Variants in TMEM229A observed in about 807,000 individuals in gnomAD.
TMEM229A encodes the protein transmembrane protein 229A.
TMEM229A carries 23 observed loss-of-function variants against 30.0 expected under a neutral mutation model. The ratio of observed to expected loss-of-function variants is 0.77; its 90% CI spans 0.55 to 1.09. The LOEUF (loss-of-function observed/expected upper bound fraction) is 1.09. TMEM229A is among the 50% of genes least tolerant of loss of function. The pLI, the probability that TMEM229A is intolerant of heterozygous loss-of-function variation, is 0.00. For missense variants in TMEM229A, 534 were observed against 525.9 expected, an observed-to-expected ratio of 1.02 and a Z score of -0.15; for synonymous variants, 264 against 241.5, an observed-to-expected ratio of 1.09 and a Z score of -0.86.
Position 124,031,777 on chromosome 7 carries a change from C to A in TMEM229A, c.*84G>T. 1 of 1,377,570 alleles carries A rather than the reference C, an allele frequency of 7.3e-7. No individual in the cohort carries two copies. 85.3% of individuals were successfully genotyped at this position (1,377,570 alleles called of 1,614,324 possible). On this transcript the variant is annotated 3_prime_UTR_variant, in exon 1 of 1. Transcript: ENST00000455783. The surrounding 1 kb of genome is among the most constrained non-coding windows in gnomAD (Gnocchi z 4.1). ...AAAAATTAAAGGACTAAAAAACCCA[C>A]TTCATTTTAAATGTGTAAAAATAAA...
chr7:124,031,908 G>A lies in TMEM229A; in HGVS notation c.1096C>T (p.Leu366=). ...ACCCTCCACAACACGTTGGAAATTA[G>A]GTCCTGGTACACACTAAGGAATATC... ...GWIFLSVYQD[L]ISNVLWRVQY... The change falls in exon 1 of 1, where the codon CTA becomes TTA. Residue 366 remains leucine, a synonymous_variant. Coordinates refer to ENST00000455783, the MANE Select transcript of TMEM229A (RefSeq NM_001136002.2). The surrounding 1 kb of genome is among the most constrained non-coding windows in gnomAD (Gnocchi z 4.1). 1.3e-6 allele frequency: 2 copies of A among 1,551,544 alleles called. No homozygotes were observed. Among genetic ancestry groups the A allele is most frequent in the Middle Eastern group, 1.7e-4 (1 of 5,988 alleles).
In TMEM229A at chr7:124,032,987, A is replaced by C; in HGVS notation, c.17T>G (p.Val6Gly). Residue 6 changes from valine to glycine, a missense_variant, in exon 1 of 1, where the codon GTG becomes GGG. Coordinates refer to ENST00000455783, the MANE Select transcript of TMEM229A (RefSeq NM_001136002.2). This position sits in a 1 kb window ranked among gnomAD's most constrained non-coding sequence, Gnocchi z 6.6. ...CCTCCGTGCGGGGCCCTCGCTGTCC[A>C]CGTCGCTCCCCGCCATGGGCTCGGA... MAGSD[V>G]DSEGPARRGG... The C allele has an allele frequency of 7.8e-7, 1 of 1,280,314 alleles. No individual in the cohort carries two copies. Among genetic ancestry groups the C allele is most frequent in the South Asian group, 2.7e-5 (1 of 36,828 alleles). 79.3% of individuals were successfully genotyped at this position (1,280,314 alleles called of 1,614,324 possible).
chr7:124,033,022 A>T lies in TMEM229A; in HGVS notation c.-19T>A. On this transcript the variant is annotated 5_prime_UTR_variant, in exon 1 of 1. Coordinates refer to ENST00000455783, the MANE Select transcript of TMEM229A (RefSeq NM_001136002.2). ...CCGCCATGGGCTCGGAGGCTGTCCG[A>T]ACGCCCGAGGCTGCACCGCCGCCGC... 1 of 1,242,952 alleles carries T rather than the reference A, an allele frequency of 8.0e-7. No homozygotes were observed. The highest frequency in any genetic ancestry group is 1.0e-6 in the Non-Finnish European group (1 of 996,834). The allele number at this position is 1,242,952 out of a possible 1,614,324, so 77.0% of individuals were successfully genotyped here. A position where few individuals can be genotyped will look rare whatever the true frequency, so the allele number is the denominator to read the frequency against.
Position 124,032,803 on chromosome 7 carries a change from C to A in TMEM229A, c.201G>T (p.Leu67=), listed in dbSNP as rs1357434133. 52 of 1,550,684 alleles carry A rather than the reference C, an allele frequency of 3.4e-5. No individual in the cohort carries two copies. The highest frequency in any genetic ancestry group is 4.2e-5 in the Non-Finnish European group (48 of 1,146,724). Reference sequence around the variant, plus strand: ...GCCGGGCCGAGGACACCAGCACGTCCAGGGTGATCCCGTGCATCCCGTAGA... The same window carrying A: ...GCCGGGCCGAGGACACCAGCACGTCAAGGGTGATCCCGTGCATCCCGTAGA... ...LYFYGMHGIT[L]DVLVSSARRF... is the part of the protein sequence containing the mutation. Residue 67 remains leucine (L), a synonymous_variant, in exon 1 of 1, where the codon CTG becomes CTT. Coordinates refer to ENST00000455783, the MANE Select transcript of TMEM229A (RefSeq NM_001136002.2). The surrounding 1 kb of genome is among the most constrained non-coding windows in gnomAD (Gnocchi z 6.6).
rs1165746352 is a variant in TMEM229A, at chr7:124,032,533, C to T, written c.471G>A (p.Leu157=). The change falls in exon 1 of 1, where the codon CTG becomes CTA. Residue 157 remains leucine (L), a synonymous_variant. Transcript: ENST00000455783. The surrounding 1 kb of genome is among the most constrained non-coding windows in gnomAD (Gnocchi z 6.6). ...GAGVAVAPGA[L]DLALQYVLAL... ...CCAGCACGTACTGCAGCGCCAGGTC[C>T]AGCGCCCCTGGCGCCACCGCGACCC... 6.5e-7 allele frequency: 1 copy of T among 1,549,564 alleles called. No homozygotes were observed. Among genetic ancestry groups the T allele is most frequent in the Non-Finnish European group, 8.7e-7 (1 of 1,146,136 alleles).
chr7:124,031,010 C>T lies in TMEM229A; in HGVS notation c.*851G>A, dbSNP rs1289367411. The T allele has an allele frequency of 6.6e-6, 1 of 152,200 alleles. No individual in the cohort carries two copies. 9.4% of individuals were successfully genotyped at this position (152,200 alleles called of 1,614,324 possible). On this transcript the variant is annotated 3_prime_UTR_variant, in exon 1 of 1. Coordinates refer to ENST00000455783, the MANE Select transcript of TMEM229A (RefSeq NM_001136002.2). This position sits in a 1 kb window ranked among gnomAD's most constrained non-coding sequence, Gnocchi z 4.1. ...GAAAAGGGTCCTTGGAGTTAGAACA[C>T]TGTGGAAGGTGATATAATTTCACTT...
rs974887248 is a variant in TMEM229A at position 124,032,823 on chromosome 7, C to A, written c.181G>T (p.Gly61Trp). ...LPAWMRLYFY[G>W]MHGITLDVLV... ...ACGTCCAGGGTGATCCCGTGCATCC[C>A]GTAGAAGTAGAGGCGCATCCAGGCG... The change falls in exon 1 of 1, where the codon GGG becomes TGG. Residue 61 changes from glycine to tryptophan, a missense_variant. Transcript: ENST00000455783. This position sits in a 1 kb window ranked among gnomAD's most constrained non-coding sequence, Gnocchi z 6.6. 4 of 1,549,358 alleles carry A rather than the reference C, an allele frequency of 2.6e-6. No homozygotes were observed. The highest frequency in any genetic ancestry group is 1.7e-6 in the Non-Finnish European group (2 of 1,146,158).
In TMEM229A at chr7:124,031,968, T is replaced by C. The variant is rs1329553490; in HGVS notation, c.1036A>G (p.Met346Val). 6.4e-7 allele frequency: 1 copy of C among 1,551,518 alleles called. No individual in the cohort carries two copies. Among genetic ancestry groups the C allele is most frequent in the East Asian group, 2.4e-5 (1 of 40,878 alleles). Residue 346 changes from methionine (M) to valine (V), a missense_variant, in exon 1 of 1, where the codon ATG becomes GTG. Physicochemically the swap from Met to Val is conservative, Grantham distance 21. Transcript: ENST00000455783. This position sits in a 1 kb window ranked among gnomAD's most constrained non-coding sequence, Gnocchi z 4.1. ...AAATACATCAGGGTGATGAGGCCCA[T>C]AAAATTGAGCGGGTAGTGAGAATAG... Reference protein sequence around the residue: ...WDYSHYPLNFMGLITLMYLPG... With the variant: ...WDYSHYPLNFVGLITLMYLPG...
rs979989279 is a variant in TMEM229A, at chr7:124,032,167, C to A, written c.837G>T (p.Trp279Cys). The change falls in exon 1 of 1, where the codon TGG becomes TGT. Residue 279 changes from tryptophan to cysteine, a missense_variant. Transcript: ENST00000455783. The surrounding 1 kb of genome is among the most constrained non-coding windows in gnomAD (Gnocchi z 6.6). ...DGTTSGHTSL[W>C]SFFMYGSCSF... The stretch of plus-strand genomic sequence containing the variant: ...TGCAGCTGCCGTACATAAAGAAGGA[C>A]CAGAGCGACGTGTGGCCGCTGGTTG... 6.4e-7 allele frequency: 1 copy of A among 1,551,828 alleles called. No individual in the cohort carries two copies. The highest frequency in any genetic ancestry group is 8.7e-7 in the Non-Finnish European group (1 of 1,147,028).
Position 124,032,715 on chromosome 7 carries a change from G to A in TMEM229A, c.289C>T (p.His97Tyr). ...GFSSPYRCLL[H>Y]SLTHFALEKV... ...TCCAGGGCGAAATGGGTGAGCGAGT[G>A]CAGCAGGCAGCGGTAGGGCGAGGAG... The change falls in exon 1 of 1, where the codon CAC (histidine) becomes TAC (tyrosine). Residue 97 changes from histidine to tyrosine, a missense_variant. Physicochemically the swap from His to Tyr is moderately conservative, Grantham distance 83. Transcript: ENST00000455783. The surrounding 1 kb of genome is among the most constrained non-coding windows in gnomAD (Gnocchi z 6.6). The A allele has an allele frequency of 6.4e-7, 1 of 1,551,494 alleles. No individual in the cohort carries two copies. The highest frequency in any genetic ancestry group is 1.4e-5 in the African/African-American group (1 of 73,174).
At position 124,032,517 on chromosome 7, in the gene TMEM229A, A is replaced by G. The variant is rs1793150388; in HGVS notation, c.487T>C (p.Tyr163His). 2 of 1,549,696 alleles carry G rather than the reference A, an allele frequency of 1.3e-6. No homozygotes were observed. The highest frequency in any genetic ancestry group is 1.7e-6 in the Non-Finnish European group (2 of 1,146,296). The change falls in exon 1 of 1, where the codon TAC becomes CAC. Residue 163 changes from tyrosine to histidine, a missense_variant. By Grantham distance (83) the Tyr-to-His change is moderately conservative. Transcript: ENST00000455783. This position sits in a 1 kb window ranked among gnomAD's most constrained non-coding sequence, Gnocchi z 6.6. ...TGGCAGTGGTAGAGCGCCAGCACGT[A>G]CTGCAGCGCCAGGTCCAGCGCCCCT... ...APGALDLALQ[Y>H]VLALYHCQVF...
In TMEM229A at chr7:124,033,056, G is replaced by A; in HGVS notation, c.-53C>T. The stretch of plus-strand genomic sequence containing the variant: ...GGCTGCACCGCCGCCGCTGCCGGGT[G>A]CGCGGAGCTGCAGGGCCGAGCGGCC... On this transcript the variant is annotated 5_prime_UTR_variant, in exon 1 of 1. Coordinates refer to ENST00000455783, the MANE Select transcript of TMEM229A (RefSeq NM_001136002.2). 1 of 1,172,080 alleles carries A rather than the reference G, an allele frequency of 8.5e-7. No individual in the cohort carries two copies. Among genetic ancestry groups the A allele is most frequent in the Non-Finnish European group, 1.1e-6 (1 of 950,456 alleles). The allele number at this position is 1,172,080 out of a possible 1,614,324, so 72.6% of individuals were successfully genotyped here. A position where few individuals can be genotyped will look rare whatever the true frequency, so the allele number is the denominator to read the frequency against.
chr7:124,032,897 G>C lies in TMEM229A; in HGVS notation c.107C>G (p.Pro36Arg), dbSNP rs1183103179. 4.8e-6 allele frequency: 7 copies of C among 1,449,538 alleles called. No individual in the cohort carries two copies. The highest frequency in any genetic ancestry group is 3.6e-6 in the Non-Finnish European group (4 of 1,098,404). The allele number at this position is 1,449,538 out of a possible 1,614,324, so 89.8% of individuals were successfully genotyped here. The change falls in exon 1 of 1, where the codon CCG becomes CGG. Residue 36 changes from proline (P) to arginine (R), a missense_variant. Physicochemically the swap from Pro to Arg is moderately radical, Grantham distance 103 (BLOSUM62 -2). Coordinates refer to ENST00000455783, the MANE Select transcript of TMEM229A (RefSeq NM_001136002.2). The surrounding 1 kb of genome is among the most constrained non-coding windows in gnomAD (Gnocchi z 6.6). ...GPGSEAAAGC[P>R]EPLSTAEAPA... ...CGCTTCAGCAGTGGACAGCGGCTCC[G>C]GGCAGCCGGCTGCCGCCTCGCTTCC...
In TMEM229A at chr7:124,032,124, G is replaced by A; in HGVS notation, c.880C>T (p.Leu294Phe). The change falls in exon 1 of 1, where the codon CTC becomes TTC. Residue 294 changes from leucine to phenylalanine, a missense_variant. Physicochemically the swap from Leu to Phe is conservative, Grantham distance 22. Coordinates refer to ENST00000455783, the MANE Select transcript of TMEM229A (RefSeq NM_001136002.2). This position sits in a 1 kb window ranked among gnomAD's most constrained non-coding sequence, Gnocchi z 6.6. Reference sequence around the variant, plus strand: ...CGGCTGTAGTGGAGGTGGAAGTAGAGCTTTTCCACCACGAAACTGCAGCTG... The same window carrying A: ...CGGCTGTAGTGGAGGTGGAAGTAGAACTTTTCCACCACGAAACTGCAGCTG... ...YGSCSFVVEK[L>F]YFHLHYSRGW... 1.9e-6 allele frequency: 3 copies of A among 1,551,722 alleles called. No homozygotes were observed. The South Asian group carries it at 3.6e-5, about 18-fold the overall frequency.
chr7:124,032,786 G>C lies in TMEM229A; in HGVS notation c.218C>G (p.Ser73Trp). 1 of 1,551,066 alleles carries C rather than the reference G, an allele frequency of 6.4e-7. No homozygotes were observed. The highest frequency in any genetic ancestry group is 8.7e-7 in the Non-Finnish European group (1 of 1,146,848). Residue 73 changes from serine (S) to tryptophan (W), a missense_variant, in exon 1 of 1, where the codon TCG becomes TGG. Physicochemically the swap from Ser to Trp is radical, Grantham distance 177 (BLOSUM62 -3). Coordinates refer to ENST00000455783, the MANE Select transcript of TMEM229A (RefSeq NM_001136002.2). The surrounding 1 kb of genome is among the most constrained non-coding windows in gnomAD (Gnocchi z 6.6). ...CGGGCTGCGGGCGAAGCGCCGGGCC[G>C]AGGACACCAGCACGTCCAGGGTGAT... ...HGITLDVLVS[S>W]ARRFARSPDL...
Position 124,032,584 on chromosome 7 carries a change from T to A in TMEM229A, c.420A>T (p.Leu140=), listed in dbSNP as rs765408703. 16 of 1,549,930 alleles carry A rather than the reference T, an allele frequency of 1.0e-5. No homozygotes were observed. The highest frequency in any genetic ancestry group is 1.4e-5 in the Non-Finnish European group (16 of 1,146,200). ...CCGCCCCGCCGCCCAGGCTGAGTAG[T>A]AGCGCCTGGCCCGCTAGGGTCTGCA... is the stretch of plus-strand genomic sequence containing the variant. ...VGLQTLAGQA[L]LLSLGGGAGV... Residue 140 remains leucine (L), a synonymous_variant, in exon 1 of 1, where the codon CTA becomes CTT. Coordinates refer to ENST00000455783, the MANE Select transcript of TMEM229A (RefSeq NM_001136002.2). This position sits in a 1 kb window ranked among gnomAD's most constrained non-coding sequence, Gnocchi z 6.6.
rs752114366 is a variant in TMEM229A at position 124,032,911 on chromosome 7, C to T, written c.93G>A (p.Ala31=). The part of the protein sequence containing the change: ...PGAPGGPGSE[A]AAGCPEPLST... The stretch of plus-strand genomic sequence containing the variant: ...ACAGCGGCTCCGGGCAGCCGGCTGC[C>T]GCCTCGCTTCCTGGCCCGCCAGGGG... The change falls in exon 1 of 1, where the codon GCG becomes GCA. Residue 31 remains alanine (A), a synonymous_variant. Transcript: ENST00000455783. This position sits in a 1 kb window ranked among gnomAD's most constrained non-coding sequence, Gnocchi z 6.6. The T allele has an allele frequency of 5.8e-5, 82 of 1,411,602 alleles. 1 individual carries two copies. In the South Asian group the frequency reaches 1.1e-3, roughly 20 times the overall value. The allele number at this position is 1,411,602 out of a possible 1,614,324, so 87.4% of individuals were successfully genotyped here. A position where few individuals can be genotyped will look rare whatever the true frequency, so the allele number is the denominator to read the frequency against.
rs1427448662 is a variant in TMEM229A at position 124,032,801 on chromosome 7, T to G, written c.203A>C (p.Asp68Ala). The change falls in exon 1 of 1, where the codon GAC becomes GCC. Residue 68 changes from aspartate to alanine, a missense_variant. Coordinates refer to ENST00000455783, the MANE Select transcript of TMEM229A (RefSeq NM_001136002.2). The surrounding 1 kb of genome is among the most constrained non-coding windows in gnomAD (Gnocchi z 6.6). ...YFYGMHGITLDVLVSSARRFA... is the reference protein window; with the variant it reads ...YFYGMHGITLAVLVSSARRFA... The stretch of plus-strand genomic sequence containing the variant: ...GCGCCGGGCCGAGGACACCAGCACG[T>G]CCAGGGTGATCCCGTGCATCCCGTA... 2 of 1,550,486 alleles carry G rather than the reference T, an allele frequency of 1.3e-6. No homozygotes were observed. The highest frequency in any genetic ancestry group is 1.4e-5 in the African/African-American group (1 of 72,996).
At position 124,032,387 on chromosome 7, in the gene TMEM229A, G is replaced by A; in HGVS notation, c.617C>T (p.Pro206Leu). ...AGGGACCCGGGCGCCGGGAGGGACGGGGAGCGCGCCCCTCCGCTGCTGCTG... is the reference window on the plus strand; with the variant it reads ...AGGGACCCGGGCGCCGGGAGGGACGAGGAGCGCGCCCCTCCGCTGCTGCTG... ...QQQQQRRGAL[P>L]VPPGARVPTA... Residue 206 changes from proline to leucine, a missense_variant, in exon 1 of 1, where the codon CCC (proline) becomes CTC (leucine). Coordinates refer to ENST00000455783, the MANE Select transcript of TMEM229A (RefSeq NM_001136002.2). The surrounding 1 kb of genome is among the most constrained non-coding windows in gnomAD (Gnocchi z 6.6). 6.5e-7 allele frequency: 1 copy of A among 1,541,990 alleles called. No individual in the cohort carries two copies. Among genetic ancestry groups the A allele is most frequent in the Non-Finnish European group, 8.7e-7 (1 of 1,144,648 alleles).
Sources: allele counts gnomAD v4.1 joint callset, GRCh38; gene constraint gnomAD v4.1.1; non-coding constraint Gnocchi (gnomAD v3.1); transcripts MANE v1.5; gene names NCBI Gene and HGNC (gene_info 2026-07-23, HGNC 2026-07-21).